The following CDYL variants were observed in gnomAD, a reference collection of about 807,000 sequenced individuals.
The protein encoded by CDYL is chromodomain Y-like protein.
A neutral mutation model predicts 47.3 loss-of-function variants in CDYL; 8 were observed. The ratio of observed to expected loss-of-function variants is 0.17; its 90% CI spans 0.10 to 0.31. The LOEUF is 0.31. Ranked by LOEUF, CDYL falls within the 10% of genes least tolerant of loss-of-function variation. CDYL has a pLI of 1.00. For synonymous variants in CDYL, 266 were observed against 265.0 expected, an observed-to-expected ratio of 1.00 and a Z score of -0.04; for missense variants, 471 against 701.4, an observed-to-expected ratio of 0.67 and a Z score of 3.71.
chr6:4,808,204 C>G (rs1759428100), intron 1 of CDYL, among the ~76,000 whole-genome samples: 1 of 152,144 alleles, frequency 6.6e-6, no homozygotes, highest in Non-Finnish European at 1.5e-5. Context: ...TGCTTGTTGC[C>G]GTTGCCTCTC....
At chr6:4,919,499 G>A (rs928172910) in intron 2 of CDYL, among the ~76,000 whole-genome samples, 1 of 152,172 alleles carries the variant, frequency 6.6e-6, no homozygotes, top group Non-Finnish European at 1.5e-5. Context: ...ATACTTACCA[G>A]TTGAGCATCT....
At chr6:4,900,779 G>GTA (rs59594195) in intron 2 of CDYL, among the ~76,000 whole-genome samples, 24 of 51,632 alleles carry the variant, frequency 4.6e-4, no homozygotes, top group African/African-American at 1.2e-3. Context: ...GTATACGTGT[G>GTA]TATATATATA....
chr6:4,852,354 TCTTC>T (rs201796324), intron 1 of CDYL, among the ~76,000 whole-genome samples: 54 of 137,002 alleles, frequency 3.9e-4, no homozygotes, highest in East Asian at 2.3e-3. Flanking sequence ...TTCCTTCCAA[TCTTC>T]CTTCCTTCCT....
chr6:4,918,443 T>C (rs1241082096), intron 2 of CDYL, among the ~76,000 whole-genome samples: 3 of 152,112 alleles, frequency 2.0e-5, no homozygotes, highest in African/African-American at 7.2e-5. Flanking sequence ...TCTCCAATAT[T>C]TGATGTATTT....
intron 1 of CDYL, among the ~76,000 whole-genome samples, chr6:4,821,253 G>T (rs1759825962): frequency 7.0e-6 from 1 of 142,838 alleles, no homozygotes; most frequent in African/African-American, 2.7e-5. Flanking sequence ...ATGGTCATAT[G>T]GGAATTCTTT....
chr6:4,947,840 C>G (rs1474063178), intron 5 of CDYL, among the ~76,000 whole-genome samples: 2 of 152,148 alleles, frequency 1.3e-5, no homozygotes, highest in Non-Finnish European at 2.9e-5. Context: ...TCCCGGTGCC[C>G]CACTGCAGTT....
intron 2 of CDYL, among the ~76,000 whole-genome samples, chr6:4,721,803 C>T (rs1757374686): frequency 6.6e-6 from 1 of 152,052 alleles, no homozygotes; most frequent in African/African-American, 2.4e-5. Flanking sequence ...CTGTCCACTT[C>T]ACAGGAATTT....
At chr6:4,753,011 G>A (rs1758021395) in intron 3 of CDYL, among the ~76,000 whole-genome samples, 2 of 151,922 alleles carry the variant, frequency 1.3e-5, no homozygotes, top group Admixed American at 6.6e-5. Flanking sequence ...TCAACCTCCT[G>A]GGCTCAAGCA....
chr6:4,877,691 ATACT>A (rs764707195), intron 1 of CDYL, among the ~76,000 whole-genome samples: 1 of 152,210 alleles, frequency 6.6e-6, no homozygotes, highest in African/African-American at 2.4e-5. Context: ...GTCTTTGTAG[ATACT>A]TACACAGGTA....
At chr6:4,870,552 A>G (rs529146019) in intron 1 of CDYL, among the ~76,000 whole-genome samples, 3 of 152,134 alleles carry the variant, frequency 2.0e-5, no homozygotes, top group African/African-American at 7.2e-5. Context: ...ATTTGATTTT[A>G]TTTGGAATAT....
At chr6:4,951,096 T>G (rs1758689184) in intron 5 of CDYL, among the ~76,000 whole-genome samples, 2 of 152,146 alleles carry the variant, frequency 1.3e-5, no homozygotes, top group South Asian at 4.1e-4. Context: ...GTAAACGGCA[T>G]CAAGACATTG....
rs541029678 is a variant in CDYL, at chr6:4,742,173, G to A, written c.186+7329G>A. On this transcript the variant is annotated intron_variant, in intron 3 of 8. Transcript: ENST00000328908. ...ATTCAAGACCAGCTTGGGCAACATA[G>A]TGAAGCCTCATCTCTACAAAAAATA... Among the ~76,000 whole-genome samples the A allele has an allele frequency of 2.2e-3, 336 of 152,142 alleles. 4 individuals carry two copies. The highest frequency in any genetic ancestry group is 4.0e-3 in the Non-Finnish European group (271 of 68,008).
At chr6:4,758,937 C>T (rs1466767947) in intron 3 of CDYL, among the ~76,000 whole-genome samples, 1 of 148,710 alleles carries the variant, frequency 6.7e-6, no homozygotes, top group Non-Finnish European at 1.5e-5. Context: ...TCTTTCTGAT[C>T]TTTCTACCTC....
intron 1 of CDYL, among the ~76,000 whole-genome samples, chr6:4,807,591 C>CTTTTTTTTTTTTTTTTTTT (rs70974139): frequency 4.7e-5 from 2 of 42,942 alleles, no homozygotes; most frequent in African/African-American, 1.8e-4. Flanking sequence ...TCATTCATGT[C>CTTTTTTTTTTTTTTTTTTT]TTTTTTTTTT....
intron 1 of CDYL, among the ~76,000 whole-genome samples, chr6:4,785,049 T>G (rs1198894066): frequency 6.6e-6 from 1 of 152,242 alleles, no homozygotes; most frequent in Admixed American, 6.5e-5. Context: ...CTCGGGTATG[T>G]CTTTATTAGC....
At chr6:4,803,923 T>C (rs1759295919) in intron 1 of CDYL, among the ~76,000 whole-genome samples, 1 of 151,986 alleles carries the variant, frequency 6.6e-6, no homozygotes, top group Admixed American at 6.6e-5. Flanking sequence ...GTGTAAATTA[T>C]ATTTTTTAAA....
intron 1 of CDYL, among the ~76,000 whole-genome samples, chr6:4,838,129 C>T (rs1760378742): frequency 6.6e-6 from 1 of 152,052 alleles, no homozygotes; most frequent in Non-Finnish European, 1.5e-5. Flanking sequence ...TGCCTTGTGA[C>T]TCTTTAAAAG....
chr6:4,885,579 T>C (rs531502653), intron 1 of CDYL, among the ~76,000 whole-genome samples: 137 of 152,352 alleles, frequency 9.0e-4, no homozygotes, highest in Admixed American at 4.0e-3. Context: ...AGGACTCTTG[T>C]CTTCTGCCAG....
At chr6:4,943,962 C>A (rs1483128906) in intron 5 of CDYL, 1 of 481,206 alleles carries the variant, frequency 2.1e-6, no homozygotes, top group African/African-American at 1.9e-5. Flanking sequence ...GAGGAGCCTA[C>A]CACTTTGCAT....
Sources: gnomAD v4.1 joint callset for allele counts (sites outside exome capture counted in the v4.1 genomes callset) on GRCh38, gnomAD v4.1.1 for gene constraint, MANE v1.5 for transcripts, NCBI Gene and HGNC (gene_info 2026-07-23, HGNC 2026-07-21) for gene names.